The following SLC14A2 variants were observed in gnomAD, a reference collection of about 807,000 sequenced individuals.
The protein encoded by SLC14A2 is urea transporter 2.
A neutral mutation model predicts 104.6 loss-of-function variants in SLC14A2; 91 were observed. The ratio of observed to expected loss-of-function variants is 0.87; its 90% CI spans 0.73 to 1.04. SLC14A2 has a LOEUF of 1.04. SLC14A2 is among the 50% of genes least tolerant of loss of function. The pLI, the probability that SLC14A2 is intolerant of heterozygous loss-of-function variation, is 0.00. For synonymous variants in SLC14A2, 476 were observed against 466.4 expected (o/e 1.02, Z -0.27); for missense variants, 1,189 against 1,156.0 (o/e 1.03, Z -0.41).
At chr18:45,394,665 C>T (rs2086009030) in intron 1 of SLC14A2, among the ~76,000 whole-genome samples, 2 of 151,978 alleles carry the variant, frequency 1.3e-5, no homozygotes, top group South Asian at 4.2e-4. Context: ...GAGAAATGTC[C>T]ATTCAAGGCT....
chr18:45,530,518 TA>T (rs989674766), intron 2 of SLC14A2, among the ~76,000 whole-genome samples: 2 of 152,146 alleles, frequency 1.3e-5, no homozygotes, highest in Non-Finnish European at 2.9e-5. Flanking sequence ...GCACCTCTCA[TA>T]ACCCACTTGC....
chr18:45,331,047 T>G (rs1227803467), intron 1 of SLC14A2, among the ~76,000 whole-genome samples: 1 of 152,244 alleles, frequency 6.6e-6, no homozygotes, highest in East Asian at 1.9e-4. Flanking sequence ...GTAAAATTGT[T>G]GATATTTTTG....
chr18:45,338,515 CTT>C (rs1396930234), intron 1 of SLC14A2, among the ~76,000 whole-genome samples: 2 of 151,740 alleles, frequency 1.3e-5, no homozygotes, highest in African/African-American at 4.8e-5. Flanking sequence ...TATCCCACCT[CTT>C]TAGCTGAACC....
chr18:45,170,966 T>A, the SLC14A2 span, among the ~76,000 whole-genome samples: 30 of 152,082 alleles, frequency 2.0e-4, no homozygotes, highest in Admixed American at 2.0e-3. Context: ...CTAATCTAGT[T>A]AGGGAAATCA....
intron 18 of SLC14A2, among the ~76,000 whole-genome samples, chr18:45,678,099 G>A (rs936167562): frequency 2.6e-5 from 4 of 152,036 alleles, no homozygotes; most frequent in African/African-American, 9.7e-5. Flanking sequence ...GATTACAGAC[G>A]TGAGCCGCCA....
the SLC14A2 span, among the ~76,000 whole-genome samples, chr18:45,187,598 C>T: frequency 6.6e-6 from 1 of 152,018 alleles, no homozygotes; most frequent in Non-Finnish European, 1.5e-5. Flanking sequence ...GATCATCTAG[C>T]ACTTTTATGG....
At chr18:45,595,947 G>C (rs1440720548) in intron 2 of SLC14A2, among the ~76,000 whole-genome samples, 1 of 152,206 alleles carries the variant, frequency 6.6e-6, no homozygotes, top group Non-Finnish European at 1.5e-5. Flanking sequence ...GTGCAGAAAT[G>C]AGGTCACAGG....
At chr18:45,323,694 T>C (rs1429234969) in intron 1 of SLC14A2, among the ~76,000 whole-genome samples, 2 of 152,196 alleles carry the variant, frequency 1.3e-5, no homozygotes, top group African/African-American at 2.4e-5. Flanking sequence ...ACCAGGGATG[T>C]CCCACAGCAT....
At chr18:45,411,201 A>ATG (rs746473349) in intron 1 of SLC14A2, among the ~76,000 whole-genome samples, 18 of 151,784 alleles carry the variant, frequency 1.2e-4, no homozygotes, top group African/African-American at 2.9e-4. Context: ...TCTGTGTGCT[A>ATG]TGTGTGTGTG....
intron 2 of SLC14A2, among the ~76,000 whole-genome samples, chr18:45,597,495 A>G (rs968875775): frequency 1.3e-5 from 2 of 152,226 alleles, no homozygotes; most frequent in African/African-American, 4.8e-5. Context: ...AATGTCAGGT[A>G]GTGGTGAGTG....
chr18:45,627,093 G>A lies in SLC14A2; in HGVS notation c.467G>A (p.Gly156Glu). Residue 156 changes from glycine (G) to glutamate (E), a missense_variant, in exon 4 of 20, where the codon GGG becomes GAG. Transcript: ENST00000255226. ...LIQNPWWTIT[G>E]GLGTVVSTLT... ...CAGAATCCCTGGTGGACAATCACTG[G>A]GGGCCTGGGGACAGTGGTCTCGACC... 6.2e-7 allele frequency: 1 copy of A among 1,614,084 alleles called. No homozygotes were observed. Among genetic ancestry groups the A allele is most frequent in the Non-Finnish European group, 8.5e-7 (1 of 1,180,002 alleles).
chr18:45,193,432 T>A, the SLC14A2 span, among the ~76,000 whole-genome samples: 420 of 152,340 alleles, frequency 2.8e-3, 6 homozygotes, highest in Middle Eastern at 0.044. Context: ...TTTGTTTTTG[T>A]ATGTGTTTAT....
At chr18:45,575,857 G>A (rs1028476374) in intron 2 of SLC14A2, among the ~76,000 whole-genome samples, 14 of 146,066 alleles carry the variant, frequency 9.6e-5, no homozygotes, top group Admixed American at 1.4e-4. Flanking sequence ...TCCTCCTGGT[G>A]CCCCTAGAAA....
chr18:45,527,760 T>TA (rs1337528851), intron 2 of SLC14A2: 1 of 152,232 alleles, frequency 6.6e-6, no homozygotes, highest in African/African-American at 2.4e-5. Context: ...AATGCAATGA[T>TA]ATATTTTTAA....
intron 2 of SLC14A2, among the ~76,000 whole-genome samples, chr18:45,535,388 A>G (rs12052000): frequency 0.076 from 11,555 of 152,282 alleles, 567 homozygotes; most frequent in East Asian, 0.2. Context: ...TGTGATCAGA[A>G]TAAAAGTTAA....
chr18:45,390,125 G>T (rs935237449), intron 1 of SLC14A2, among the ~76,000 whole-genome samples: 1 of 152,198 alleles, frequency 6.6e-6, no homozygotes, highest in African/African-American at 2.4e-5. Flanking sequence ...CATAGGGAAT[G>T]CTTATTCTGC....
intron 1 of SLC14A2, among the ~76,000 whole-genome samples, chr18:45,281,394 C>T (rs2144142893): frequency 6.6e-6 from 1 of 152,308 alleles, no homozygotes; most frequent in Middle Eastern, 3.4e-3. Flanking sequence ...CTGCCATAAG[C>T]ACCAGGCAGG....
chr18:45,563,508 C>G (rs1198745951), intron 2 of SLC14A2, among the ~76,000 whole-genome samples: 1 of 152,202 alleles, frequency 6.6e-6, no homozygotes, highest in African/African-American at 2.4e-5. Context: ...AAAAAGCTGA[C>G]AAATTCTACA....
At chr18:45,253,340 T>C (rs1455220518) in intron 1 of SLC14A2, among the ~76,000 whole-genome samples, 2 of 151,974 alleles carry the variant, frequency 1.3e-5, no homozygotes, top group African/African-American at 4.8e-5. Context: ...GAAAACACGG[T>C]GGACGAAGGA....
Sources: allele counts gnomAD v4.1 joint callset (sites outside exome capture counted in the v4.1 genomes callset), GRCh38; gene constraint gnomAD v4.1.1; transcripts MANE v1.5; gene names NCBI Gene and HGNC (gene_info 2026-07-23, HGNC 2026-07-21).